Variants in SLC24A3 observed in about 807,000 individuals in gnomAD.
The protein encoded by SLC24A3 is solute carrier family 24 member 3.
A neutral mutation model predicts 75.8 loss-of-function variants in SLC24A3; 28 were observed. The ratio of observed to expected loss-of-function variants is 0.37; its 90% CI spans 0.27 to 0.51. The LOEUF (loss-of-function observed/expected upper bound fraction) is 0.51, where lower values mean the gene tolerates loss of function less well. SLC24A3 is among the 20% of genes least tolerant of loss of function. The probability of loss-of-function intolerance (pLI) is 0.94; values close to 1 mark genes in which losing one functional copy is unlikely to be tolerated. For synonymous variants in SLC24A3, 372 were observed against 334.1 expected, an observed-to-expected ratio of 1.11 and a Z score of -1.24; for missense variants, 663 against 847.8, an observed-to-expected ratio of 0.78 and a Z score of 2.71.
intron 2 of SLC24A3, among the ~76,000 whole-genome samples, chr20:19,323,175 C>T (rs577908645): frequency 7.5e-6 from 1 of 133,562 alleles, no homozygotes; most frequent in African/African-American, 3.0e-5. Flanking sequence ...CACTGCACTC[C>T]AGCCTGGGCG....
At chr20:19,323,228 A>G (rs1326994939) in intron 2 of SLC24A3, among the ~76,000 whole-genome samples, 4 of 148,518 alleles carry the variant, frequency 2.7e-5, no homozygotes, top group Admixed American at 2.7e-4. Flanking sequence ...AAAAAAAAAG[A>G]AGAAGAAATA....
chr20:19,455,997 G>A (rs6035341), intron 2 of SLC24A3, among the ~76,000 whole-genome samples: 40 of 152,338 alleles, frequency 2.6e-4, no homozygotes, highest in African/African-American at 8.4e-4. Flanking sequence ...AGTTTATAAT[G>A]TACTGGGGAA....
intron 2 of SLC24A3, among the ~76,000 whole-genome samples, chr20:19,299,610 AAG>A (rs1277140470): frequency 6.6e-6 from 1 of 152,188 alleles, no homozygotes; most frequent in Non-Finnish European, 1.5e-5. Context: ...ACAAAAGTAA[AAG>A]AGTTATTTCT....
intron 3 of SLC24A3, among the ~76,000 whole-genome samples, chr20:19,550,197 G>T (rs891780828): frequency 5.9e-5 from 9 of 152,064 alleles, no homozygotes; most frequent in Non-Finnish European, 1.0e-4. Context: ...TGTTTTAGAG[G>T]CAGCTCAAGA....
intron 3 of SLC24A3, among the ~76,000 whole-genome samples, chr20:19,570,097 TGTGA>T (rs1025314006): frequency 2.0e-5 from 3 of 152,210 alleles, no homozygotes; most frequent in African/African-American, 7.2e-5. Context: ...CTCACAGTTC[TGTGA>T]GTTGTACAAG....
chr20:19,406,680 A>G (rs1279969122), intron 2 of SLC24A3, among the ~76,000 whole-genome samples: 1 of 152,176 alleles, frequency 6.6e-6, no homozygotes, highest in South Asian at 2.1e-4. Flanking sequence ...GGTAGCACAG[A>G]GGGGGAAATC....
intron 3 of SLC24A3, among the ~76,000 whole-genome samples, chr20:19,570,515 T>C (rs2031035426): frequency 6.6e-6 from 1 of 152,184 alleles, no homozygotes; most frequent in Non-Finnish European, 1.5e-5. Flanking sequence ...GATTGCTAAA[T>C]AGATCTTCTG....
At chr20:19,519,201 A>G (rs1207597590) in intron 3 of SLC24A3, among the ~76,000 whole-genome samples, 1 of 152,184 alleles carries the variant, frequency 6.6e-6, no homozygotes, top group African/African-American at 2.4e-5. Flanking sequence ...GGGCCCCACG[A>G]GTTTGCTTTG....
intron 3 of SLC24A3, among the ~76,000 whole-genome samples, chr20:19,579,642 G>A (rs1469651288): frequency 6.6e-6 from 1 of 152,224 alleles, no homozygotes; most frequent in Non-Finnish European, 1.5e-5. Flanking sequence ...TGGGAGCGGG[G>A]GAAAGAGGTT....
intron 16 of SLC24A3, among the ~76,000 whole-genome samples, chr20:19,719,556 G>A (rs1053325208): frequency 2.0e-5 from 3 of 152,002 alleles, no homozygotes; most frequent in African/African-American, 4.8e-5. Context: ...AGTGAGTGTC[G>A]GAGATTGGAA....
chr20:19,615,666 C>CCAGAACAAAACAGG (rs1433209733), intron 6 of SLC24A3, among the ~76,000 whole-genome samples: 5 of 152,212 alleles, frequency 3.3e-5, no homozygotes, highest in Non-Finnish European at 7.3e-5. Context: ...GCTACCAGCA[C>CCAGAACAAAACAGG]CAGAACAAAA....
At chr20:19,309,923 G>T (rs1984416483) in intron 2 of SLC24A3, among the ~76,000 whole-genome samples, 1 of 152,096 alleles carries the variant, frequency 6.6e-6, no homozygotes, top group Admixed American at 6.5e-5. Flanking sequence ...TGGGTCATTG[G>T]GACAGGTCAG....
intron 2 of SLC24A3, among the ~76,000 whole-genome samples, chr20:19,408,426 G>C (rs540775925): frequency 3.7e-4 from 51 of 139,702 alleles, no homozygotes; most frequent in Admixed American, 6.0e-4. Flanking sequence ...GTCTCGCTCT[G>C]CCACCCAGCC....
chr20:19,509,103 T>C (rs1225351929), intron 2 of SLC24A3, among the ~76,000 whole-genome samples: 3 of 152,030 alleles, frequency 2.0e-5, no homozygotes, highest in Non-Finnish European at 4.4e-5. Flanking sequence ...TGGCGGTAGG[T>C]ATTTCACATT....
At chr20:19,282,286 C>T (rs1218574874) in intron 2 of SLC24A3, among the ~76,000 whole-genome samples, 1 of 152,176 alleles carries the variant, frequency 6.6e-6, no homozygotes, top group African/African-American at 2.4e-5. Context: ...GCCTCCACCA[C>T]CACCACCAGA....
At chr20:19,704,926 A>T (rs2032912709) in intron 15 of SLC24A3, among the ~76,000 whole-genome samples, 1 of 152,148 alleles carries the variant, frequency 6.6e-6, no homozygotes, top group South Asian at 2.1e-4. Context: ...TAGGAAACCA[A>T]GGCACAGCGG....
chr20:19,508,904 C>T (rs763193780), intron 2 of SLC24A3, among the ~76,000 whole-genome samples: 2 of 152,252 alleles, frequency 1.3e-5, no homozygotes, highest in Non-Finnish European at 2.9e-5. Flanking sequence ...CCTAGAGGCA[C>T]ATGCATTTAT....
intron 2 of SLC24A3, among the ~76,000 whole-genome samples, chr20:19,438,785 T>C (rs931247758): frequency 4.0e-5 from 6 of 151,318 alleles, no homozygotes; most frequent in African/African-American, 1.5e-4. Flanking sequence ...CACTCATTGG[T>C]CTCTGCCCCT....
chr20:19,648,598 A>G (rs2032165689), intron 6 of SLC24A3, among the ~76,000 whole-genome samples: 1 of 151,986 alleles, frequency 6.6e-6, no homozygotes. Context: ...CTTCATATAT[A>G]CTATATGTAT....
Sources: gnomAD v4.1 joint callset for allele counts (sites outside exome capture counted in the v4.1 genomes callset) on GRCh38, gnomAD v4.1.1 for gene constraint, MANE v1.5 for transcripts, NCBI Gene and HGNC (gene_info 2026-07-23, HGNC 2026-07-21) for gene names.